Variants in RGS12 observed in about 807,000 individuals in gnomAD.
The protein encoded by RGS12 is regulator of G-protein signaling 12.
RGS12 carries 66 observed loss-of-function variants against 120.1 expected under a neutral mutation model. The observed-to-expected ratio is 0.55, with a 90% confidence interval of 0.45 to 0.67. The LOEUF is 0.67. Ranked by LOEUF, RGS12 falls within the 30% of genes least tolerant of loss-of-function variation. RGS12 has a pLI of 0.00. For synonymous variants in RGS12, 827 were observed against 804.7 expected, an observed-to-expected ratio of 1.03 and a Z score of -0.47; for missense variants, 1,859 against 1,957.7, an observed-to-expected ratio of 0.95 and a Z score of 0.95.
At chr4:3,413,198 G>GGC (rs1294863105) in intron 4 of RGS12, 1 of 151,656 alleles carries the variant, frequency 6.6e-6, no homozygotes, top group Non-Finnish European at 1.5e-5. Context: ...GAGGGACGGG[G>GGC]GCGCCCCCAC....
At chr4:3,319,101 C>T (rs1725013247) in intron 2 of RGS12, among the ~76,000 whole-genome samples, 1 of 152,024 alleles carries the variant, frequency 6.6e-6, no homozygotes, top group South Asian at 2.1e-4. Flanking sequence ...TAGTGTTTTC[C>T]ATGATGAAAT....
At chr4:3,359,971 T>C (rs1419853184) in intron 3 of RGS12, among the ~76,000 whole-genome samples, 3 of 152,068 alleles carry the variant, frequency 2.0e-5, no homozygotes, top group Non-Finnish European at 4.4e-5. Flanking sequence ...ATGTTGCCCA[T>C]GTTGTCTTGA....
chr4:3,360,075 TTATG>T (rs988024347), intron 3 of RGS12, among the ~76,000 whole-genome samples: 3 of 152,204 alleles, frequency 2.0e-5, no homozygotes, highest in Admixed American at 6.5e-5. Context: ...TTCTGTTTCT[TTATG>T]ATTTGGTCTT....
chr4:3,378,956 A>G (rs1292147811), intron 3 of RGS12, among the ~76,000 whole-genome samples: 2 of 151,956 alleles, frequency 1.3e-5, no homozygotes, highest in Non-Finnish European at 2.9e-5. Context: ...TGGAAGTGTT[A>G]ATCACAATAG....
chr4:3,419,971 T>C (rs1722828431), intron 9 of RGS12, among the ~76,000 whole-genome samples: 1 of 152,204 alleles, frequency 6.6e-6, no homozygotes, highest in South Asian at 2.1e-4. Flanking sequence ...GGGAGCTGCC[T>C]TCCCCTCTCT....
chr4:3,430,408 G>A lies in RGS12; in HGVS notation c.3567G>A (p.Glu1189=). The A allele has an allele frequency of 6.2e-7, 1 of 1,607,710 alleles. No homozygotes were observed. Among genetic ancestry groups the A allele is most frequent in the Middle Eastern group, 1.7e-4 (1 of 6,042 alleles). Residue 1189 remains glutamate, a splice_region_variant and synonymous_variant, in exon 17 of 18, where the codon GAG becomes GAA. Coordinates refer to ENST00000336727, the MANE Select transcript of RGS12 (RefSeq NM_001394154.1). ...TCACTCTGGGTTTTCTTCCAATAGAGTTTTTTGAGCTTATTTCCAAAGCTC... is the reference window on the plus strand; with the variant it reads ...TCACTCTGGGTTTTCTTCCAATAGAATTTTTTGAGCTTATTTCCAAAGCTC... The part of the protein sequence containing the change: ...YQKINLDEAE[E]FFELISKAQS...
intron 17 of RGS12, among the ~76,000 whole-genome samples, chr4:3,436,480 G>A (rs1398675718): frequency 6.6e-6 from 1 of 152,216 alleles, no homozygotes; most frequent in African/African-American, 2.4e-5. Context: ...AGTGCCTGGG[G>A]GACGGGGTCC....
At chr4:3,355,446 ATGTTACTGTTCTCGGATGATGTGAT>A (rs1231837766) in intron 3 of RGS12, among the ~76,000 whole-genome samples, 3 of 152,142 alleles carry the variant, frequency 2.0e-5, no homozygotes, top group Non-Finnish European at 4.4e-5. Flanking sequence ...AGAAGTGAAA[ATGTTACTGTTCTCGGATGATGTGAT>A]TGTTACTGTT....
intron 17 of RGS12, chr4:3,431,420 C>T: frequency 1.0e-6 from 1 of 999,426 alleles, no homozygotes. Flanking sequence ...CAGACACAGG[C>T]CCGTCCTCGG....
intron 11 of RGS12, 126 bp downstream of exon 11, chr4:3,422,696 G>A (rs78660978): frequency 0.012 from 13,750 of 1,167,076 alleles, 191 homozygotes; most frequent in Middle Eastern, 0.054. Flanking sequence ...CGCCTGGGGC[G>A]GAGGCCGGAT....
chr4:3,387,092 TC>T (rs1718936130), intron 4 of RGS12, among the ~76,000 whole-genome samples: 2 of 152,206 alleles, frequency 1.3e-5, no homozygotes, highest in Admixed American at 1.3e-4. Flanking sequence ...ATTCCTCTTT[TC>T]TTCTAACACT....
intron 13 of RGS12, among the ~76,000 whole-genome samples, chr4:3,424,963 C>T (rs552378661): frequency 7.9e-4 from 120 of 152,336 alleles, no homozygotes; most frequent in South Asian, 2.7e-3. Flanking sequence ...GTTCAGATGT[C>T]TTTTCTTAAC....
At chr4:3,320,681 C>T (rs1725117898) in intron 2 of RGS12, among the ~76,000 whole-genome samples, 1 of 152,154 alleles carries the variant, frequency 6.6e-6, no homozygotes, top group Admixed American at 6.5e-5. Flanking sequence ...TTAAGTGTTG[C>T]TGTTTACTTT....
chr4:3,386,263 G>T, intron 3 of RGS12, 153 bp from the exon 4 acceptor site: 1 of 708,170 alleles, frequency 1.4e-6, no homozygotes, highest in East Asian at 2.6e-5. Context: ...TTGACTCATT[G>T]GGCCGTCTGG....
intron 3 of RGS12, among the ~76,000 whole-genome samples, chr4:3,382,408 C>G (rs1286880331): frequency 2.0e-5 from 3 of 152,224 alleles, no homozygotes; most frequent in Non-Finnish European, 2.9e-5. Flanking sequence ...GGAAGCGACA[C>G]TGATGATTAG....
At position 3,428,707 on chromosome 4, in the gene RGS12, A is replaced by C; in HGVS notation, c.3561A>C (p.Ala1187=). The change falls in exon 16 of 18, where the codon GCA becomes GCC. Residue 1187 remains alanine, a synonymous_variant. Coordinates refer to ENST00000336727, the MANE Select transcript of RGS12 (RefSeq NM_001394154.1). ...KKYQKINLDE[A]EEFFELISKA... is the part of the protein sequence containing the mutation. ...ATCAGAAAATTAATTTGGACGAAGC[A>C]GAGGGTATGTGAACTTTTTAAAACT... is the stretch of plus-strand genomic sequence containing the variant. 6.3e-7 allele frequency: 1 copy of C among 1,590,502 alleles called. No homozygotes were observed. The highest frequency in any genetic ancestry group is 1.9e-5 in the Admixed American group (1 of 52,760).
intron 1 of RGS12, among the ~76,000 whole-genome samples, chr4:3,296,815 G>A (rs902308231): frequency 6.6e-6 from 1 of 152,206 alleles, no homozygotes; most frequent in African/African-American, 2.4e-5. Flanking sequence ...CAGGTGTCCT[G>A]GGAAGGAAGA....
rs114654795 is a variant in RGS12, at chr4:3,352,095, A to G, written c.1998+9042A>G. ...TTAAGCCAGGCATGCAGTCCAAACA[A>G]AACATTAAACCGGGTGTGCAGAACC... On this transcript the variant is annotated intron_variant, in intron 3 of 17. Transcript: ENST00000336727. Among the ~76,000 whole-genome samples, 150 of 152,328 alleles carry G rather than the reference A, an allele frequency of 9.8e-4. 1 individual carries two copies. The highest frequency in any genetic ancestry group is 3.5e-3 in the African/African-American group (144 of 41,576).
At chr4:3,356,390 A>G (rs1714903096) in intron 3 of RGS12, among the ~76,000 whole-genome samples, 1 of 152,116 alleles carries the variant, frequency 6.6e-6, no homozygotes, top group Non-Finnish European at 1.5e-5. Context: ...AATACATACA[A>G]CAAAATTTAT....
Sources: gnomAD v4.1 joint callset for allele counts (sites outside exome capture counted in the v4.1 genomes callset) on GRCh38, gnomAD v4.1.1 for gene constraint, MANE v1.5 for transcripts, NCBI Gene and HGNC (gene_info 2026-07-23, HGNC 2026-07-21) for gene names.